Variants in BCAS3 observed in about 807,000 individuals in gnomAD.
The protein encoded by BCAS3 is BCAS4/BCAS3 fusion.
A neutral mutation model predicts 116.1 loss-of-function variants in BCAS3; 53 were observed. The observed-to-expected ratio is 0.46, with a 90% CI of 0.37 to 0.57. The LOEUF (loss-of-function observed/expected upper bound fraction) is 0.57. Among genes scored for constraint, BCAS3 ranks in the 20% least tolerant of loss-of-function variants. The probability of loss-of-function intolerance (pLI) is 0.00; values close to 1 mark genes in which losing one functional copy is unlikely to be tolerated. For missense variants in BCAS3, 917 were observed against 1,165.4 expected (o/e 0.79, Z 3.10); for synonymous variants, 391 against 408.2 (o/e 0.96, Z 0.51).
At chr17:60,796,964 G>A (rs376041150) in intron 6 of BCAS3, among the ~76,000 whole-genome samples, 8 of 152,132 alleles carry the variant, frequency 5.3e-5, no homozygotes, top group African/African-American at 1.9e-4. Flanking sequence ...GGAGTGCTGT[G>A]GCGTGATCTC....
At chr17:60,850,711 G>C (rs553402428) in intron 7 of BCAS3, among the ~76,000 whole-genome samples, 3 of 151,948 alleles carry the variant, frequency 2.0e-5, no homozygotes, top group Non-Finnish European at 2.9e-5. Context: ...TGCATTCAGG[G>C]TTCCCTCATT....
In BCAS3 at chr17:61,115,488, A is replaced by G. The variant is rs997395698; in HGVS notation, c.2425+30924A>G. Among the ~76,000 whole-genome samples the G allele has an allele frequency of 2.5e-4, 35 of 141,102 alleles. 2 individuals carry two copies. The highest frequency in any genetic ancestry group is 3.1e-5 in the Non-Finnish European group (2 of 64,490). 92.6% of individuals were successfully genotyped at this position (141,102 alleles called of 152,430 possible). ...TTATGCAGCCAAAAAACACATGAAA[A>G]AATGCTCATCATCACTGGCCATCAG... is the stretch of plus-strand genomic sequence containing the variant. On this transcript the variant is annotated intron_variant, in intron 22 of 23. Transcript: ENST00000407086.
At chr17:61,275,184 A>G (rs1236250786) in intron 22 of BCAS3, among the ~76,000 whole-genome samples, 12 of 152,192 alleles carry the variant, frequency 7.9e-5, no homozygotes, top group Non-Finnish European at 1.3e-4. Context: ...ACTGGAACTA[A>G]TAAGAAGTTT....
In BCAS3 at chr17:60,831,738, G is replaced by A. The variant is rs111731659; in HGVS notation, c.476+23662G>A. ...GTATTTTGAGTGCCTCTTTGGCGGT[G>A]GGTTTTTTTTTTTAAATGACAAGCC... On this transcript the variant is annotated intron_variant, in intron 7 of 23. Transcript: ENST00000407086. Among the ~76,000 whole-genome samples the A allele has an allele frequency of 3.8e-3, 567 of 150,798 alleles. 3 individuals carry two copies. The highest frequency in any genetic ancestry group is 0.013 in the African/African-American group (540 of 40,868).
intron 4 of BCAS3, among the ~76,000 whole-genome samples, chr17:60,692,078 CA>C (rs1184412126): frequency 2.0e-5 from 3 of 150,118 alleles, no homozygotes; most frequent in Non-Finnish European, 4.4e-5. Context: ...TGGAGAAACA[CA>C]GAAGAAAAAG....
chr17:60,996,824 G>A (rs2063869979), intron 15 of BCAS3, among the ~76,000 whole-genome samples: 1 of 152,202 alleles, frequency 6.6e-6, no homozygotes, highest in South Asian at 2.1e-4. Context: ...AACTATATAT[G>A]AGAAATCCTA....
intron 2 of BCAS3, among the ~76,000 whole-genome samples, chr17:60,681,784 C>T (rs1017153819): frequency 8.6e-5 from 13 of 151,910 alleles, no homozygotes; most frequent in African/African-American, 1.9e-4. Context: ...GGCTGGAGTG[C>T]GATGGCACGA....
rs181946322 is a variant in BCAS3 at position 61,326,114 on chromosome 17, A to G, written c.2426-42213A>G. On this transcript the variant is annotated intron_variant, in intron 22 of 23. Coordinates refer to ENST00000407086, the MANE Select transcript of BCAS3 (RefSeq NM_017679.5). The surrounding 1 kb of genome is among the most constrained non-coding windows in gnomAD (Gnocchi z 5.3). Reference sequence around the variant, plus strand: ...TTTGTGGTCTAGGAGGGGAAAAGACATTAATCAGATAATCTCACAAATTAA... The same window carrying G: ...TTTGTGGTCTAGGAGGGGAAAAGACGTTAATCAGATAATCTCACAAATTAA... 2.5e-4 allele frequency among the ~76,000 whole-genome samples: 38 copies of G among 152,340 alleles called. No individual in the cohort carries two copies. The highest frequency in any genetic ancestry group is 4.1e-4 in the Non-Finnish European group (28 of 68,024).
At chr17:60,736,669 G>T (rs921828130) in intron 5 of BCAS3, among the ~76,000 whole-genome samples, 1 of 152,124 alleles carries the variant, frequency 6.6e-6, no homozygotes. Flanking sequence ...ATTTTGGAAG[G>T]TTATTAATTA....
Position 61,128,304 on chromosome 17 carries a change from G to A in BCAS3, c.2425+43740G>A. The A allele has an allele frequency of 1.0e-6, 1 of 985,434 alleles. No individual in the cohort carries two copies. The highest frequency in any genetic ancestry group is 1.2e-6 in the Non-Finnish European group (1 of 829,926). 61.0% of individuals were successfully genotyped at this position (985,434 alleles called of 1,614,324 possible). ...AGATTTCATCTACGGCTGAGATGCA[G>A]AGGAGAGACTTAGTGAAATATGCAG... On this transcript the variant is annotated intron_variant, in intron 22 of 23. Transcript: ENST00000407086. The surrounding 1 kb of genome is among the most constrained non-coding windows in gnomAD (Gnocchi z 4.1).
At chr17:61,238,752 C>G (rs980317917) in intron 22 of BCAS3, among the ~76,000 whole-genome samples, 10 of 152,084 alleles carry the variant, frequency 6.6e-5, no homozygotes, top group Admixed American at 2.0e-4. Flanking sequence ...CTGCTGCTGT[C>G]TTGTTTTCTT....
At chr17:61,116,089 G>T (rs1353683841) in intron 22 of BCAS3, among the ~76,000 whole-genome samples, 1 of 143,718 alleles carries the variant, frequency 7.0e-6, no homozygotes, top group Admixed American at 7.1e-5. Flanking sequence ...TGGGGACTGT[G>T]GTAGGGTAGG....
intron 6 of BCAS3, among the ~76,000 whole-genome samples, chr17:60,785,166 T>C (rs1598703127): frequency 1.3e-5 from 2 of 152,022 alleles, no homozygotes; most frequent in African/African-American, 2.4e-5. Context: ...TTTTTCTTAG[T>C]TTTTTATTTT....
At chr17:61,157,725 T>C (rs1224886037) in intron 22 of BCAS3, among the ~76,000 whole-genome samples, 1 of 151,938 alleles carries the variant, frequency 6.6e-6, no homozygotes, top group Non-Finnish European at 1.5e-5. Flanking sequence ...TGCAATCATA[T>C]GAATCAGCAA....
At chr17:60,811,926 G>A (rs1049851223) in intron 7 of BCAS3, among the ~76,000 whole-genome samples, 1 of 152,226 alleles carries the variant, frequency 6.6e-6, no homozygotes, top group East Asian at 1.9e-4. Flanking sequence ...GATGGCACAC[G>A]CCTGTGGTCC....
Position 60,850,345 on chromosome 17 carries a change from G to GTTTTTTTT in BCAS3, c.477-18209_477-18202dup, listed in dbSNP as rs10573405. ...CCTCCCCCTAACTCCTGGCACCACT[G>GTTTTTTTT]TTTTTTTTTTTTTTTTTTTTTTTTT... is the stretch of plus-strand genomic sequence containing the variant. On this transcript the variant is annotated intron_variant, in intron 7 of 23. Coordinates refer to ENST00000407086, the MANE Select transcript of BCAS3 (RefSeq NM_017679.5). Among the ~76,000 whole-genome samples the GTTTTTTTT allele has an allele frequency of 1.6e-3, 61 of 37,732 alleles. 14 individuals carry two copies. The highest frequency in any genetic ancestry group is 3.7e-3 in the African/African-American group (26 of 7,118). 24.8% of individuals were successfully genotyped at this position (37,732 alleles called of 152,430 possible).
At chr17:60,696,993 C>T (rs918393047) in intron 4 of BCAS3, among the ~76,000 whole-genome samples, 2 of 151,630 alleles carry the variant, frequency 1.3e-5, no homozygotes, top group Non-Finnish European at 2.9e-5. Context: ...TCAAGACCAG[C>T]CTGGGCAACA....
At chr17:61,058,750 A>G (rs2069656998) in intron 19 of BCAS3, among the ~76,000 whole-genome samples, 1 of 152,196 alleles carries the variant, frequency 6.6e-6, no homozygotes, top group Admixed American at 6.5e-5. Context: ...CAGGATACAT[A>G]ACTGTTTATT....
chr17:60,922,333 G>T (rs1159047789), intron 12 of BCAS3, among the ~76,000 whole-genome samples: 2 of 152,030 alleles, frequency 1.3e-5, no homozygotes, highest in African/African-American at 4.8e-5. Context: ...CACTATATTG[G>T]TCAGGCTGGT....
Sources: allele counts gnomAD v4.1 joint callset (sites outside exome capture counted in the v4.1 genomes callset), GRCh38; gene constraint gnomAD v4.1.1; non-coding constraint Gnocchi (gnomAD v3.1); transcripts MANE v1.5; gene names NCBI Gene and HGNC (gene_info 2026-07-23, HGNC 2026-07-21).